Variants in SRC observed in about 807,000 individuals in gnomAD.
SRC encodes SRC proto-oncogene, non-receptor tyrosine kinase.
SRC carries 13 observed loss-of-function variants against 62.9 expected under a neutral mutation model. That is an observed-to-expected ratio of 0.21 (90% CI 0.13 to 0.33). SRC has a LOEUF of 0.33. SRC is among the 10% of genes least tolerant of loss of function. SRC has a pLI of 1.00. For synonymous variants in SRC, 302 were observed against 317.5 expected (o/e 0.95, Z 0.52); for missense variants, 457 against 737.3 (o/e 0.62, Z 4.40).
At chr20:37,387,798 G>A (rs2070481471) in intron 5 of SRC, among the ~76,000 whole-genome samples, 1 of 152,232 alleles carries the variant, frequency 6.6e-6, no homozygotes, top group Admixed American at 6.5e-5. Flanking sequence ...CAGTGACAAT[G>A]TCACCATTTC....
intron 2 of SRC, among the ~76,000 whole-genome samples, chr20:37,373,107 T>C (rs960448255): frequency 5.8e-5 from 8 of 136,790 alleles, no homozygotes; most frequent in African/African-American, 1.4e-4. Context: ...TATACACATA[T>C]ATGTACACAC....
intron 5 of SRC, among the ~76,000 whole-genome samples, chr20:37,388,991 A>G (rs899575210): frequency 1.6e-4 from 24 of 152,146 alleles, no homozygotes; most frequent in Middle Eastern, 6.8e-3. Context: ...TGAATCTAGC[A>G]TGGGGCCCAG....
chr20:37,360,218 C>CTTTTTTTTTTTTTTTTT (rs61476973), intron 1 of SRC, among the ~76,000 whole-genome samples: 19 of 105,632 alleles, frequency 1.8e-4, no homozygotes, highest in African/African-American at 5.3e-4. Flanking sequence ...CTCTCTCTCT[C>CTTTTTTTTTTTTTTTTT]TTTTTTTTTT....
intron 1 of SRC, among the ~76,000 whole-genome samples, chr20:37,358,161 G>A (rs1490887070): frequency 6.6e-6 from 1 of 152,246 alleles, no homozygotes; most frequent in Non-Finnish European, 1.5e-5. Context: ...CCACAGTGCT[G>A]GCAGGAGGAG....
At position 37,403,093 on chromosome 20, in the gene SRC, C is replaced by T. The variant is rs778771048; in HGVS notation, c.1403-78C>T. 1.7e-5 allele frequency: 24 copies of T among 1,424,142 alleles called. No homozygotes were observed. Among genetic ancestry groups the T allele is most frequent in the South Asian group, 9.5e-5 (7 of 73,334 alleles). The allele number at this position is 1,424,142 out of a possible 1,614,324, so 88.2% of individuals were successfully genotyped here. A position where few individuals can be genotyped will look rare whatever the true frequency, so the allele number is the denominator to read the frequency against. ...CAACCTGTCCTAGGCAGGAAGCCCT[C>T]GCTGCCCTCCCCATCAGCTTCCCCC... On this transcript the variant is annotated intron_variant, in intron 13 of 13. Transcript: ENST00000373578. The surrounding 1 kb of genome is among the most constrained non-coding windows in gnomAD (Gnocchi z 7.1).
intron 1 of SRC, among the ~76,000 whole-genome samples, chr20:37,355,040 T>C (rs916648523): frequency 3.3e-5 from 5 of 151,832 alleles, no homozygotes; most frequent in African/African-American, 1.2e-4. Context: ...GGCTTGGAGG[T>C]GGCACAGTTT....
chr20:37,368,857 A>C (rs1310289556), intron 2 of SRC, among the ~76,000 whole-genome samples: 1 of 151,992 alleles, frequency 6.6e-6, no homozygotes, highest in African/African-American at 2.4e-5. Flanking sequence ...GGCTATGCCT[A>C]TATTTTCTTA....
chr20:37,401,570 CAGGA>C (rs780513846), intron 10 of SRC, 28 bp from the exon 11 acceptor site: 2 of 1,572,842 alleles, frequency 1.3e-6, no homozygotes, highest in South Asian at 2.2e-5. Context: ...AGGGACAGGG[CAGGA>C]GCTGGAGCTG....
Position 37,396,462 on chromosome 20 carries a change from T to G in SRC, c.703+151T>G. 1 of 869,280 alleles carries G rather than the reference T, an allele frequency of 1.2e-6. No individual in the cohort carries two copies. Among genetic ancestry groups the G allele is most frequent in the Non-Finnish European group, 1.7e-6 (1 of 584,840 alleles). 53.8% of individuals were successfully genotyped at this position (869,280 alleles called of 1,614,324 possible). On this transcript the variant is annotated intron_variant, in intron 8 of 13. Transcript: ENST00000373578. This position sits in a 1 kb window ranked among gnomAD's most constrained non-coding sequence, Gnocchi z 6.1. ...CCCCCTCCCTTCCTCTCTCCTCCCT[T>G]TTCCCTCCTTTCCTTGTCTCCTTCT...
In SRC at chr20:37,346,644, C is replaced by T. The variant is rs979200680; in HGVS notation, c.-247+389C>T. On this transcript the variant is annotated intron_variant, in intron 1 of 13. Coordinates refer to ENST00000373578, the MANE Select transcript of SRC (RefSeq NM_198291.3). ...CGGCGCCGCCTCTGCCTGGGCTGCCCGGCCCTGCGCCCCCCGGCCCCGGGT... is the reference window on the plus strand; with the variant it reads ...CGGCGCCGCCTCTGCCTGGGCTGCCTGGCCCTGCGCCCCCCGGCCCCGGGT... 4.7e-5 allele frequency among the ~76,000 whole-genome samples: 7 copies of T among 148,360 alleles called. No homozygotes were observed. The East Asian group carries it at 1.5e-3, about 31-fold the overall frequency.
intron 7 of SRC, among the ~76,000 whole-genome samples, chr20:37,394,665 C>A (rs767368961): frequency 6.6e-6 from 1 of 152,138 alleles, no homozygotes; most frequent in Non-Finnish European, 1.5e-5. Flanking sequence ...TTGCCCTCCC[C>A]CAACTGCAGT....
chr20:37,364,836 G>A (rs1226501373), intron 1 of SRC, among the ~76,000 whole-genome samples: 7 of 152,280 alleles, frequency 4.6e-5, no homozygotes, highest in East Asian at 1.9e-4. Context: ...TGGCTGTCCC[G>A]GGCTTTCCCA....
At chr20:37,363,181 C>A (rs187972090) in intron 1 of SRC, among the ~76,000 whole-genome samples, 46 of 152,346 alleles carry the variant, frequency 3.0e-4, no homozygotes, top group African/African-American at 1.1e-3. Flanking sequence ...GGCCACTGTT[C>A]TCTGACCGCC....
chr20:37,349,996 G>A (rs1366083243), intron 1 of SRC, among the ~76,000 whole-genome samples: 1 of 152,230 alleles, frequency 6.6e-6, no homozygotes, highest in Admixed American at 6.5e-5. Context: ...CTTGGCTGTA[G>A]GCTCTGGACT....
intron 2 of SRC, among the ~76,000 whole-genome samples, chr20:37,376,078 TG>T (rs1460386149): frequency 2.0e-5 from 3 of 152,210 alleles, no homozygotes; most frequent in Admixed American, 2.0e-4. Context: ...CATGTGAATC[TG>T]GGGTGGGGGA....
intron 1 of SRC, among the ~76,000 whole-genome samples, chr20:37,360,909 T>C (rs980817583): frequency 6.6e-6 from 1 of 152,202 alleles, no homozygotes; most frequent in East Asian, 1.9e-4. Context: ...GTGGAGTAAC[T>C]TTCCCAAGGT....
intron 2 of SRC, among the ~76,000 whole-genome samples, chr20:37,371,947 C>T (rs2070171981): frequency 1.3e-5 from 2 of 152,128 alleles, no homozygotes; most frequent in Admixed American, 1.3e-4. Flanking sequence ...CAATCCGCCC[C>T]CCCTTGGTCT....
chr20:37,368,243 C>A (rs1033014072), intron 2 of SRC, among the ~76,000 whole-genome samples: 9 of 152,034 alleles, frequency 5.9e-5, no homozygotes, highest in Non-Finnish European at 1.2e-4. Context: ...CATGGTGAAA[C>A]CCCGTCTCTA....
In SRC at chr20:37,404,936, A is replaced by T. The variant is rs2070803426; in HGVS notation, c.*1557A>T. The T allele has an allele frequency of 4.4e-6, 1 of 229,820 alleles. No homozygotes were observed. 14.2% of individuals were successfully genotyped at this position (229,820 alleles called of 1,614,324 possible). A position where few individuals can be genotyped will look rare whatever the true frequency, so the allele number is the denominator to read the frequency against. ...CATGTGCGTCCATATTTAACATGTA[A>T]AAATGTCCCCCCCGCTCCGTCCCCC... On this transcript the variant is annotated 3_prime_UTR_variant, in exon 14 of 14. Transcript: ENST00000373578.
Sources: gnomAD v4.1 joint callset for allele counts (sites outside exome capture counted in the v4.1 genomes callset) on GRCh38, gnomAD v4.1.1 for gene constraint, Gnocchi (gnomAD v3.1) non-coding constraint, MANE v1.5 for transcripts, NCBI Gene and HGNC (gene_info 2026-07-23, HGNC 2026-07-21) for gene names.